Variants in KAT6B observed in about 807,000 individuals in gnomAD.
The protein encoded by KAT6B is lysine acetyltransferase 6B.
A neutral mutation model predicts 187.5 loss-of-function variants in KAT6B; 10 were observed. That is an observed-to-expected ratio of 0.05 (90% CI 0.03 to 0.09). KAT6B has a LOEUF of 0.09. KAT6B is among the 10% of genes least tolerant of loss of function. The pLI is 1.00. For synonymous variants in KAT6B, 861 were observed against 926.8 expected (o/e 0.93, Z 1.29); for missense variants, 1,952 against 2,558.9 (o/e 0.76, Z 5.12).
chr10:74,898,869 G>T (rs914471295), intron 3 of KAT6B, among the ~76,000 whole-genome samples: 1 of 151,872 alleles, frequency 6.6e-6, no homozygotes, highest in Non-Finnish European at 1.5e-5. Flanking sequence ...AGAATCAACC[G>T]GCTGGGCACG....
chr10:74,961,258 G>C (rs140771114), intron 4 of KAT6B, among the ~76,000 whole-genome samples: 70 of 152,240 alleles, frequency 4.6e-4, no homozygotes, highest in African/African-American at 1.2e-3. Flanking sequence ...TGCTGGTGAG[G>C]TAGTGCCTCA....
At chr10:74,857,710 G>C (rs114725782) in intron 3 of KAT6B, among the ~76,000 whole-genome samples, 112 of 152,268 alleles carry the variant, frequency 7.4e-4, no homozygotes, top group African/African-American at 2.7e-3. Context: ...GGTGAACCAT[G>C]ATCAAGTCTG....
chr10:75,009,525 A>G (rs894492611), intron 13 of KAT6B, among the ~76,000 whole-genome samples: 1 of 152,160 alleles, frequency 6.6e-6, no homozygotes, highest in Non-Finnish European at 1.5e-5. Flanking sequence ...GAAGTCTAAA[A>G]TTTAGCCAAA....
Position 74,880,946 on chromosome 10 carries a change from C to T in KAT6B, c.621+37468C>T, listed in dbSNP as rs1251735093. Among the ~76,000 whole-genome samples, 9 of 137,214 alleles carry T rather than the reference C, an allele frequency of 6.6e-5. No homozygotes were observed. The East Asian group carries it at 8.3e-4, about 13-fold the overall frequency. The allele number at this position is 137,214 out of a possible 152,430, so 90.0% of individuals were successfully genotyped here. ...TTACTCTCTCTTTTTTTTTTTGAGA[C>T]GGACTCTCACTCTGTCTTCCATGCT... is the stretch of plus-strand genomic sequence containing the variant. On this transcript the variant is annotated intron_variant, in intron 3 of 17. Coordinates refer to ENST00000287239, the MANE Select transcript of KAT6B (RefSeq NM_012330.4).
At chr10:74,916,131 C>T (rs1847662005) in intron 3 of KAT6B, among the ~76,000 whole-genome samples, 1 of 152,064 alleles carries the variant, frequency 6.6e-6, no homozygotes, top group Admixed American at 6.5e-5. Flanking sequence ...CACTGCACTC[C>T]AGCCTGGGCG....
At position 75,030,184 on chromosome 10, in the gene KAT6B, C is replaced by T. The variant is rs765731378; in HGVS notation, c.5360C>T (p.Thr1787Met). The T allele has an allele frequency of 3.2e-5, 51 of 1,614,100 alleles. No individual in the cohort carries two copies. Among genetic ancestry groups the T allele is most frequent in the Admixed American group, 1.2e-4 (7 of 60,008 alleles). The change falls in exon 18 of 18, where the codon ACG becomes ATG. Residue 1787 changes from threonine (T) to methionine (M), a missense_variant. Physicochemically the swap from Thr to Met is moderately conservative, Grantham distance 81. Around this residue, in one of 9 missense-constraint regions of KAT6B, gnomAD observed 358 missense variants for 436.3 expected, o/e 0.82. Coordinates refer to ENST00000287239, the MANE Select transcript of KAT6B (RefSeq NM_012330.4). The surrounding 1 kb of genome is among the most constrained non-coding windows in gnomAD (Gnocchi z 4.8). ...ATGCAGCTGGCTGAAATCCCCGAGA[C>T]GAGCAACGCCAACATTGGCTTATAC... is the stretch of plus-strand genomic sequence containing the variant. ...PPMQLAEIPE[T>M]SNANIGLYER...
intron 3 of KAT6B, among the ~76,000 whole-genome samples, chr10:74,943,383 G>A (rs1340205775): frequency 6.6e-6 from 1 of 152,214 alleles, no homozygotes; most frequent in Non-Finnish European, 1.5e-5. Context: ...TACAATGTTA[G>A]TACTTCCCAA....
intron 12 of KAT6B, 31 bp from the exon 13 acceptor site, chr10:74,988,988 G>T: frequency 6.7e-7 from 1 of 1,489,892 alleles, no homozygotes; most frequent in South Asian, 1.1e-5. Flanking sequence ...GCAGGGCTCT[G>T]ACATACTTGA....
At chr10:74,863,667 A>G (rs576220066) in intron 3 of KAT6B, among the ~76,000 whole-genome samples, 2 of 152,182 alleles carry the variant, frequency 1.3e-5, no homozygotes, top group African/African-American at 4.8e-5. Flanking sequence ...GATCCTTAGG[A>G]GTTACTTTGC....
intron 3 of KAT6B, among the ~76,000 whole-genome samples, chr10:74,878,811 C>G (rs1389467812): frequency 2.6e-5 from 4 of 152,030 alleles, no homozygotes; most frequent in Non-Finnish European, 4.4e-5. Context: ...TGAGTGGTGT[C>G]TGGCCAAACT....
intron 3 of KAT6B, among the ~76,000 whole-genome samples, chr10:74,847,664 CA>C (rs56274899): frequency 0.17 from 23,184 of 137,598 alleles, 2,977 homozygotes; most frequent in African/African-American, 0.36. Flanking sequence ...AACTCCATCT[CA>C]AAAAAAAAAA....
chr10:74,986,153 C>T (rs926154397), intron 12 of KAT6B, among the ~76,000 whole-genome samples: 6 of 152,274 alleles, frequency 3.9e-5, no homozygotes, highest in African/African-American at 1.2e-4. Flanking sequence ...ATAGCTTGTC[C>T]TTTTTACTGG....
chr10:74,853,837 GC>G (rs918024251), intron 3 of KAT6B, among the ~76,000 whole-genome samples: 2 of 149,040 alleles, frequency 1.3e-5, no homozygotes, highest in African/African-American at 5.0e-5. Context: ...CACCATATTG[GC>G]CAGGCTGGTC....
chr10:74,864,986 A>G (rs555454387), intron 3 of KAT6B, among the ~76,000 whole-genome samples: 5 of 152,226 alleles, frequency 3.3e-5, no homozygotes, highest in Non-Finnish European at 7.3e-5. Flanking sequence ...TTTTAGATAT[A>G]TAAGACATAT....
upstream of KAT6B, among the ~76,000 whole-genome samples, chr10:74,825,391 G>C (rs1336748109): frequency 6.0e-5 from 9 of 150,566 alleles, no homozygotes; most frequent in African/African-American, 2.2e-4. The surrounding 1 kb of genome is among the most constrained non-coding windows in gnomAD (Gnocchi z 5.0). Flanking sequence ...GGGGCGGGCG[G>C]GGTCCGGGCT....
chr10:74,987,577 G>T (rs957392151), intron 12 of KAT6B, among the ~76,000 whole-genome samples: 1 of 152,246 alleles, frequency 6.6e-6, no homozygotes, highest in Non-Finnish European at 1.5e-5. Flanking sequence ...GGGCTGGAAT[G>T]ACCTGGAAAG....
intron 1 of KAT6B, among the ~76,000 whole-genome samples, chr10:74,838,359 T>C (rs1841473845): frequency 6.6e-6 from 1 of 152,220 alleles, no homozygotes; most frequent in Non-Finnish European, 1.5e-5. Context: ...AGTGGGTTTT[T>C]GTTTTTGTTT....
chr10:75,013,973 T>C (rs1404693274), intron 13 of KAT6B, among the ~76,000 whole-genome samples: 7 of 152,244 alleles, frequency 4.6e-5, no homozygotes, highest in Non-Finnish European at 1.0e-4. Context: ...GGGTGCCCTG[T>C]TACCCAGCTT....
chr10:74,834,438 T>C (rs773835466), intron 1 of KAT6B, among the ~76,000 whole-genome samples: 11 of 151,766 alleles, frequency 7.2e-5, no homozygotes, highest in South Asian at 2.1e-4. Context: ...CCTCGTGATC[T>C]GCCCGCCTTG....
Sources: gnomAD v4.1 joint callset for allele counts (sites outside exome capture counted in the v4.1 genomes callset) on GRCh38, gnomAD v4.1.1 for gene constraint, gnomAD v4.1.1 regional missense constraint, Gnocchi (gnomAD v3.1) non-coding constraint, MANE v1.5 for transcripts, NCBI Gene and HGNC (gene_info 2026-07-23, HGNC 2026-07-21) for gene names.